Variants in WDR37 observed in about 807,000 individuals in gnomAD.
WDR37 encodes WD repeat domain 37.
In WDR37, 19 loss-of-function variants were observed where a neutral mutation model predicts 62.9. The observed-to-expected ratio is 0.30, with a 90% confidence interval of 0.21 to 0.44. The LOEUF (loss-of-function observed/expected upper bound fraction) is 0.44. Among genes scored for constraint, WDR37 ranks in the 20% least tolerant of loss-of-function variants. The pLI, the probability that WDR37 is intolerant of heterozygous loss-of-function variation, is 1.00. For synonymous variants in WDR37, 250 were observed against 260.9 expected, an observed-to-expected ratio of 0.96 and a Z score of 0.40; for missense variants, 474 against 657.6, an observed-to-expected ratio of 0.72 and a Z score of 3.05.
At chr10:1,090,464 A>G (rs933410576) in intron 7 of WDR37, among the ~76,000 whole-genome samples, 1 of 152,186 alleles carries the variant, frequency 6.6e-6, no homozygotes, top group South Asian at 2.1e-4. Context: ...CGGCCTGGAG[A>G]TGTTTTGATC....
At chr10:1,119,674 T>TA (rs769491845) in intron 11 of WDR37, among the ~76,000 whole-genome samples, 12 of 152,186 alleles carry the variant, frequency 7.9e-5, no homozygotes, top group Non-Finnish European at 1.3e-4. Flanking sequence ...TATAATATTA[T>TA]AAGTGGCCAG....
Position 1,124,925 on chromosome 10 carries a change from C to T in WDR37, c.1254C>T (p.Val418=), listed in dbSNP as rs370553333. ...DSAINRINVC[V]GQKIIALPHD... is the part of the protein sequence containing the mutation. ...TTCTTTGCAGGATCAATGTATGTGT[C>T]GGCCAAAAAATCATAGCCCTCCCCC... Residue 418 remains valine, a synonymous_variant, in exon 13 of 14, where the codon GTC becomes GTT. Coordinates refer to ENST00000263150, the MANE Select transcript of WDR37 (RefSeq NM_014023.4). The T allele has an allele frequency of 9.3e-6, 15 of 1,613,994 alleles. No individual in the cohort carries two copies. The highest frequency in any genetic ancestry group is 1.7e-5 in the Admixed American group (1 of 59,994).
chr10:1,062,792 C>T (rs928379259), intron 1 of WDR37, among the ~76,000 whole-genome samples: 4 of 152,074 alleles, frequency 2.6e-5, no homozygotes, highest in African/African-American at 9.7e-5. Context: ...ATATATAAAA[C>T]AAATGTAAGA....
At chr10:1,099,612 C>G (rs1834721386) in intron 9 of WDR37, among the ~76,000 whole-genome samples, 1 of 152,224 alleles carries the variant, frequency 6.6e-6, no homozygotes, top group Non-Finnish European at 1.5e-5. Flanking sequence ...AATTGCCAGA[C>G]TATTCATTAT....
At chr10:1,092,916 AC>A (rs1363197375) in intron 7 of WDR37, among the ~76,000 whole-genome samples, 1 of 147,608 alleles carries the variant, frequency 6.8e-6, no homozygotes, top group African/African-American at 2.5e-5. Context: ...TCTGCCAAAT[AC>A]CCCTTTTGTA....
rs533234510 is a variant in WDR37 at position 1,097,453 on chromosome 10, C to T, written c.726+1207C>T. 1.2e-4 allele frequency among the ~76,000 whole-genome samples: 18 copies of T among 152,328 alleles called. 2 individuals carry two copies. The South Asian group carries it at 2.9e-3, about 25-fold the overall frequency. ...AGCACAGAAACCAGAGCTGCCTGGG[C>T]GAGAACCTTTACCACCCTTCAAGAT... On this transcript the variant is annotated intron_variant, in intron 9 of 13. Coordinates refer to ENST00000263150, the MANE Select transcript of WDR37 (RefSeq NM_014023.4).
chr10:1,074,859 A>G (rs1191202214), intron 2 of WDR37, among the ~76,000 whole-genome samples: 1 of 152,258 alleles, frequency 6.6e-6, no homozygotes, highest in East Asian at 1.9e-4. Flanking sequence ...AGGTTCGCGC[A>G]GGCGCAGGAG....
rs889183907 is a variant in WDR37, at chr10:1,076,133, C to CT, written c.139-1765dup. ...AATTTTTATAGTTACATTTTCCTTT[C>CT]TTTTTTTTTCCGTGTTCTTCATTGG... is the stretch of plus-strand genomic sequence containing the variant. On this transcript the variant is annotated intron_variant, in intron 2 of 13. Coordinates refer to ENST00000263150, the MANE Select transcript of WDR37 (RefSeq NM_014023.4). Among the ~76,000 whole-genome samples the CT allele has an allele frequency of 2.2e-3, 340 of 151,400 alleles. 1 individual carries two copies. Among genetic ancestry groups the CT allele is most frequent in the African/African-American group, 7.9e-3 (326 of 41,288 alleles).
intron 3 of WDR37, 98 bp from the exon 4 acceptor site, chr10:1,079,913 A>C: frequency 2.3e-6 from 2 of 877,310 alleles, no homozygotes; most frequent in Non-Finnish European, 3.6e-6. Context: ...ATATAACACT[A>C]ATATATAGCA....
At position 1,078,398 on chromosome 10, in the gene WDR37, C is replaced by CT. The variant is rs527625521; in HGVS notation, c.235+403dup. Among the ~76,000 whole-genome samples the CT allele has an allele frequency of 1.8e-4, 28 of 152,046 alleles. No homozygotes were observed. In the East Asian group the frequency reaches 4.1e-3, roughly 22 times the overall value. On this transcript the variant is annotated intron_variant, in intron 3 of 13. Transcript: ENST00000263150. The stretch of plus-strand genomic sequence containing the variant: ...TTGAATTAGCTTGGCTTTAATTTAT[C>CT]TTTTTTTTATTTTGGAAGTAATGGC...
In WDR37 at chr10:1,129,239, G is replaced by A. The variant is rs749629953; in HGVS notation, c.1380G>A (p.Ser460=). Residue 460 remains serine, a synonymous_variant, in exon 14 of 14, where the codon TCG becomes TCA. Coordinates refer to ENST00000263150, the MANE Select transcript of WDR37 (RefSeq NM_014023.4). ...RQGHRRMVCC[S]AWSEDHPVCN... ...GCCACAGGAGAATGGTATGCTGCTC[G>A]GCATGGAGTGAAGACCACCCCGTGT... The A allele has an allele frequency of 1.1e-5, 17 of 1,614,116 alleles. No individual in the cohort carries two copies. In the South Asian group the frequency reaches 1.1e-4, roughly 10 times the overall value.
chr10:1,091,749 GGAGCCGGGCTCTGT>G (rs1834394572), intron 7 of WDR37, among the ~76,000 whole-genome samples: 1 of 152,192 alleles, frequency 6.6e-6, no homozygotes, highest in Admixed American at 6.5e-5. Context: ...TCAGGCCTGT[GGAGCCGGGCTCTGT>G]GTTCAATGCT....
intron 7 of WDR37, among the ~76,000 whole-genome samples, chr10:1,091,673 C>G (rs549591099): frequency 1.3e-5 from 2 of 152,158 alleles, no homozygotes; most frequent in African/African-American, 2.4e-5. Context: ...GGTAGCTCAC[C>G]CCATCCCAAT....
chr10:1,077,831 T>C (rs1833924698), intron 2 of WDR37, 76 bp from the exon 3 acceptor site: 1 of 1,061,282 alleles, frequency 9.4e-7, no homozygotes, highest in East Asian at 2.4e-5. Flanking sequence ...AAAAGATAAT[T>C]CACTTTGGAA....
intron 7 of WDR37, among the ~76,000 whole-genome samples, chr10:1,089,783 C>T (rs754662772): frequency 3.9e-5 from 6 of 152,208 alleles, no homozygotes; most frequent in Non-Finnish European, 7.3e-5. Flanking sequence ...TATTCGGTGT[C>T]GTCTCTTCGC....
chr10:1,076,873 G>A (rs895068650), intron 2 of WDR37, among the ~76,000 whole-genome samples: 2 of 147,500 alleles, frequency 1.4e-5, no homozygotes, highest in African/African-American at 5.0e-5. Flanking sequence ...GGTGGCGCAC[G>A]CCTATAGTCC....
At chr10:1,074,573 C>G (rs537415468) in intron 2 of WDR37, 2 of 1,282,858 alleles carry the variant, frequency 1.6e-6, no homozygotes, top group African/African-American at 1.5e-5. Context: ...GAGTGGCCCC[C>G]GTGAGGTGCT....
chr10:1,069,228 G>T (rs1177075488), intron 1 of WDR37, among the ~76,000 whole-genome samples: 1 of 151,762 alleles, frequency 6.6e-6, no homozygotes, highest in South Asian at 2.1e-4. Flanking sequence ...TTTTTTTAAA[G>T]CTAAATATAC....
intron 13 of WDR37, among the ~76,000 whole-genome samples, chr10:1,126,757 C>T (rs532112377): frequency 1.2e-4 from 19 of 152,324 alleles, no homozygotes; most frequent in South Asian, 2.1e-4. Context: ...GTTCTCTCAG[C>T]GCAGCAACAC....
Sources: allele counts gnomAD v4.1 joint callset (sites outside exome capture counted in the v4.1 genomes callset), GRCh38; gene constraint gnomAD v4.1.1; transcripts MANE v1.5; gene names NCBI Gene and HGNC (gene_info 2026-07-23, HGNC 2026-07-21).